Variants in LRRIQ3 observed in about 807,000 individuals in gnomAD.
LRRIQ3 encodes leucine rich repeats and IQ motif containing 3, also known as leucine-rich repeat and IQ domain-containing protein 3.
A neutral mutation model predicts 59.3 loss-of-function variants in LRRIQ3; 75 were observed. That is an observed-to-expected ratio of 1.26 (90% CI 1.05 to 1.53). The LOEUF is 1.53. LRRIQ3 is among the 40% of genes most tolerant of loss of function. The pLI, the probability that LRRIQ3 is intolerant of heterozygous loss-of-function variation, is 0.00. For missense variants in LRRIQ3, 831 were observed against 710.0 expected (o/e 1.17, Z -1.94); for synonymous variants, 250 against 231.3 (o/e 1.08, Z -0.73).
At chr1:74,048,480 A>G (rs576795860) in intron 6 of LRRIQ3, among the ~76,000 whole-genome samples, 1 of 152,262 alleles carries the variant, frequency 6.6e-6, no homozygotes, top group East Asian at 1.9e-4. Flanking sequence ...GCAGCTACTT[A>G]AAATTACATA....
chr1:74,185,648 A>G (rs1055791884), intron 1 of LRRIQ3, among the ~76,000 whole-genome samples: 2 of 152,178 alleles, frequency 1.3e-5, no homozygotes, highest in African/African-American at 4.8e-5. Flanking sequence ...AAATGCATAA[A>G]AAGTCCTTGA....
At chr1:74,161,562 G>C (rs185383360) in intron 3 of LRRIQ3, among the ~76,000 whole-genome samples, 1 of 151,934 alleles carries the variant, frequency 6.6e-6, no homozygotes, top group East Asian at 1.9e-4. Flanking sequence ...CAAGGGGATG[G>C]GGGTAGAAGT....
At chr1:74,184,606 C>A (rs1398928325) in intron 1 of LRRIQ3, among the ~76,000 whole-genome samples, 2 of 152,074 alleles carry the variant, frequency 1.3e-5, no homozygotes, top group Non-Finnish European at 2.9e-5. Flanking sequence ...ATATCACAAC[C>A]AAGGCCTAAA....
Position 74,124,954 on chromosome 1 carries a change from T to C in LRRIQ3, c.708-15401A>G, listed in dbSNP as rs548346753. 2.5e-4 allele frequency among the ~76,000 whole-genome samples: 38 copies of C among 152,096 alleles called. 4 individuals carry two copies. Among genetic ancestry groups the C allele is most frequent in the Admixed American group, 2.4e-3 (37 of 15,216 alleles). On this transcript the variant is annotated intron_variant, in intron 4 of 7. Transcript: ENST00000354431. ...AATCTATAGATTGCTTTGAGTAGTA[T>C]GGACATTTTAAAAATATTAATTATT...
At chr1:74,181,246 C>T (rs1462180315) in intron 3 of LRRIQ3, 1 of 153,226 alleles carries the variant, frequency 6.5e-6, no homozygotes, top group Non-Finnish European at 1.5e-5. Context: ...TTTGAACCTA[C>T]AGTAATTGAT....
At chr1:74,098,420 T>C (rs1223210957) in intron 5 of LRRIQ3, among the ~76,000 whole-genome samples, 1 of 152,172 alleles carries the variant, frequency 6.6e-6, no homozygotes. Flanking sequence ...TTTAGAGACC[T>C]ACAGAGAGAC....
chr1:74,190,849 G>T (rs1020824973), intron 1 of LRRIQ3, among the ~76,000 whole-genome samples: 2 of 152,112 alleles, frequency 1.3e-5, no homozygotes, highest in Non-Finnish European at 2.9e-5. Context: ...CATGCAGGCA[G>T]AAGATAGTGG....
intron 5 of LRRIQ3, among the ~76,000 whole-genome samples, chr1:74,088,971 A>G (rs1469078683): frequency 6.6e-6 from 1 of 152,048 alleles, no homozygotes; most frequent in East Asian, 1.9e-4. Flanking sequence ...CTCAATAATA[A>G]AAAGATAATC....
chr1:74,101,081 C>CT (rs1407149078), intron 5 of LRRIQ3, among the ~76,000 whole-genome samples: 2 of 151,946 alleles, frequency 1.3e-5, no homozygotes, highest in Non-Finnish European at 2.9e-5. Context: ...AACTAAAGAG[C>CT]TCTGCACAGC....
chr1:74,150,225 A>C (rs1308741711), intron 4 of LRRIQ3, among the ~76,000 whole-genome samples: 3 of 152,170 alleles, frequency 2.0e-5, no homozygotes, highest in Non-Finnish European at 4.4e-5. Flanking sequence ...GAAAAGTTAG[A>C]GGAAGGTTGG....
At chr1:74,064,507 G>GT (rs1654816181) in intron 6 of LRRIQ3, among the ~76,000 whole-genome samples, 1 of 151,924 alleles carries the variant, frequency 6.6e-6, no homozygotes, top group Non-Finnish European at 1.5e-5. Flanking sequence ...TTAGCACTCT[G>GT]TTTTTTCATG....
chr1:74,190,934 G>A (rs1650725278), intron 1 of LRRIQ3, among the ~76,000 whole-genome samples: 1 of 152,082 alleles, frequency 6.6e-6, no homozygotes, highest in Non-Finnish European at 1.5e-5. Flanking sequence ...CCTTTCACTT[G>A]GTTCTCATTC....
intron 5 of LRRIQ3, among the ~76,000 whole-genome samples, chr1:74,096,952 C>T (rs969605679): frequency 1.8e-4 from 28 of 152,134 alleles, no homozygotes; most frequent in African/African-American, 6.8e-4. Context: ...GTGTCAGTCT[C>T]CCCCTACTGG....
intron 5 of LRRIQ3, chr1:74,084,167 C>T (rs1285409462): frequency 1.9e-6 from 3 of 1,546,582 alleles, no homozygotes; most frequent in East Asian, 4.9e-5. Flanking sequence ...GAGATGAATA[C>T]ACACATCCAG....
At chr1:74,188,296 A>G (rs1650540013) in intron 1 of LRRIQ3, among the ~76,000 whole-genome samples, 1 of 152,166 alleles carries the variant, frequency 6.6e-6, no homozygotes, top group South Asian at 2.1e-4. Context: ...GGAGAGGATT[A>G]AGAAAAATAA....
intron 6 of LRRIQ3, among the ~76,000 whole-genome samples, chr1:74,056,298 G>T (rs1323381147): frequency 6.6e-6 from 1 of 152,000 alleles, no homozygotes; most frequent in Admixed American, 6.6e-5. Flanking sequence ...AGCTTTTTCT[G>T]TAAGATCTGG....
At chr1:74,160,883 G>A (rs1028172175) in intron 3 of LRRIQ3, among the ~76,000 whole-genome samples, 3 of 152,030 alleles carry the variant, frequency 2.0e-5, no homozygotes, top group Non-Finnish European at 4.4e-5. Context: ...GGGTTTTGCA[G>A]AATTTCCTCT....
chr1:74,104,764 A>G (rs1646585243), intron 5 of LRRIQ3, among the ~76,000 whole-genome samples: 1 of 152,028 alleles, frequency 6.6e-6, no homozygotes, highest in African/African-American at 2.4e-5. Context: ...TATACATTTG[A>G]CAAAACCCAT....
chr1:74,186,733 A>G (rs1650404169), intron 1 of LRRIQ3, among the ~76,000 whole-genome samples: 1 of 152,156 alleles, frequency 6.6e-6, no homozygotes. Context: ...TACTTAATTC[A>G]ATGCCTTTTT....
Sources: allele counts gnomAD v4.1 joint callset (sites outside exome capture counted in the v4.1 genomes callset), GRCh38; gene constraint gnomAD v4.1.1; transcripts MANE v1.5; gene names NCBI Gene and HGNC (gene_info 2026-07-23, HGNC 2026-07-21).